The following DYNC1I1 variants were observed in gnomAD, a reference collection of about 807,000 sequenced individuals.
DYNC1I1 encodes cytoplasmic dynein 1 intermediate chain 1.
In DYNC1I1, 43 loss-of-function variants were observed where a neutral mutation model predicts 86.6. The ratio of observed to expected loss-of-function variants is 0.50; its 90% CI spans 0.39 to 0.64. The LOEUF is 0.64. Among genes scored for constraint, DYNC1I1 ranks in the 30% least tolerant of loss-of-function variants. DYNC1I1 has a pLI of 0.00. For synonymous variants in DYNC1I1, 262 were observed against 283.7 expected (o/e 0.92, Z 0.77); for missense variants, 604 against 788.8 (o/e 0.77, Z 2.81).
chr7:96,045,575 T>A (rs1228826166), intron 14 of DYNC1I1, among the ~76,000 whole-genome samples: 2 of 152,168 alleles, frequency 1.3e-5, no homozygotes, highest in Non-Finnish European at 2.9e-5. Flanking sequence ...AAAATAGCCC[T>A]GAAGAGCAAG....
chr7:96,092,982 T>C (rs1790892118), intron 16 of DYNC1I1, among the ~76,000 whole-genome samples: 1 of 152,170 alleles, frequency 6.6e-6, no homozygotes, highest in African/African-American at 2.4e-5. Flanking sequence ...ATGTGGTCTT[T>C]AGCAAATCAT....
At chr7:96,022,157 G>A (rs901952873) in intron 10 of DYNC1I1, among the ~76,000 whole-genome samples, 10 of 152,046 alleles carry the variant, frequency 6.6e-5, no homozygotes, top group Admixed American at 2.0e-4. Context: ...TCTCCACATC[G>A]TCACCAACAC....
chr7:96,106,265 G>T (rs1389055205), intron 16 of DYNC1I1, among the ~76,000 whole-genome samples: 2 of 152,060 alleles, frequency 1.3e-5, no homozygotes, highest in African/African-American at 4.8e-5. Flanking sequence ...GGGCACGGTG[G>T]CTCACACCTG....
At chr7:95,870,124 A>C (rs779248114) in intron 6 of DYNC1I1, 126 bp downstream of exon 6, 29 of 762,934 alleles carry the variant, frequency 3.8e-5, no homozygotes, top group Admixed American at 3.5e-4. Flanking sequence ...ATGACACTGA[A>C]AGCCAAAGCC....
At chr7:95,939,190 A>G (rs1461073021) in intron 6 of DYNC1I1, among the ~76,000 whole-genome samples, 1 of 152,142 alleles carries the variant, frequency 6.6e-6, no homozygotes, top group Non-Finnish European at 1.5e-5. Context: ...GATCTTTTAC[A>G]TTTGCTAAGG....
intron 5 of DYNC1I1, chr7:95,837,550 G>C (rs1789138724): frequency 6.5e-6 from 1 of 153,864 alleles, no homozygotes; most frequent in Non-Finnish European, 1.4e-5. Context: ...GGCAATGGCG[G>C]GCGCCCCTCC....
At chr7:95,927,692 A>C (rs1791781575) in intron 6 of DYNC1I1, among the ~76,000 whole-genome samples, 1 of 152,138 alleles carries the variant, frequency 6.6e-6, no homozygotes, top group Non-Finnish European at 1.5e-5. Context: ...AAGGGCATAC[A>C]GACACTCTTC....
intron 10 of DYNC1I1, among the ~76,000 whole-genome samples, chr7:96,019,879 C>G (rs1794499165): frequency 1.3e-5 from 2 of 152,018 alleles, no homozygotes. Flanking sequence ...TTCTTCGAAT[C>G]AGGAGGTAGT....
intron 2 of DYNC1I1, among the ~76,000 whole-genome samples, chr7:95,806,001 T>C (rs1794693427): frequency 1.3e-5 from 2 of 152,208 alleles, no homozygotes; most frequent in African/African-American, 4.8e-5. Context: ...CCATTACGTG[T>C]TGATTGATGT....
intron 6 of DYNC1I1, among the ~76,000 whole-genome samples, chr7:95,925,851 G>T (rs73710553): frequency 6.6e-6 from 1 of 152,008 alleles, no homozygotes. Flanking sequence ...ACGTTATTTT[G>T]TCTTCTTTAG....
intron 5 of DYNC1I1, among the ~76,000 whole-genome samples, chr7:95,847,260 G>T (rs1236939298): frequency 6.6e-6 from 1 of 152,068 alleles, no homozygotes; most frequent in Non-Finnish European, 1.5e-5. Flanking sequence ...TTGCCACTTA[G>T]TGCTTTCTCG....
At chr7:96,060,002 T>G (rs951636835) in intron 14 of DYNC1I1, among the ~76,000 whole-genome samples, 4 of 152,188 alleles carry the variant, frequency 2.6e-5, no homozygotes, top group African/African-American at 9.7e-5. Context: ...CTATAGCTTA[T>G]TAGATAATTT....
intron 16 of DYNC1I1, among the ~76,000 whole-genome samples, chr7:96,106,521 G>A (rs1175724053): frequency 6.6e-6 from 1 of 151,842 alleles, no homozygotes; most frequent in African/African-American, 2.4e-5. Flanking sequence ...GGCAACAAGA[G>A]CGAAACCCTG....
chr7:96,081,593 G>T (rs1321269323), intron 16 of DYNC1I1, among the ~76,000 whole-genome samples: 1 of 152,096 alleles, frequency 6.6e-6, no homozygotes, highest in African/African-American at 2.4e-5. Context: ...ATCTAACATT[G>T]CATTCCAGGG....
At position 96,097,810 on chromosome 7, in the gene DYNC1I1, T is replaced by C; in HGVS notation, c.*217T>C. ...CACAGCATTTCTATCTTTATATTTC[T>C]GTCTCAAAAATGAAGAGAAGGGGGT... On this transcript the variant is annotated 3_prime_UTR_variant, in exon 17 of 17. Coordinates refer to ENST00000447467, the MANE Select transcript of DYNC1I1 (RefSeq NM_001135556.2). 1 of 1,280,244 alleles carries C rather than the reference T, an allele frequency of 7.8e-7. No homozygotes were observed. The highest frequency in any genetic ancestry group is 9.9e-7 in the Non-Finnish European group (1 of 1,009,870). 79.3% of individuals were successfully genotyped at this position (1,280,244 alleles called of 1,614,324 possible).
At chr7:96,109,028 A>G (rs1584325468) in intron 16 of DYNC1I1, among the ~76,000 whole-genome samples, 1 of 152,134 alleles carries the variant, frequency 6.6e-6, no homozygotes, top group South Asian at 2.1e-4. Context: ...AACATTCTAT[A>G]ACATCTTCTT....
intron 10 of DYNC1I1, 151 bp from the exon 11 acceptor site, chr7:96,028,024 T>G: frequency 8.9e-7 from 1 of 1,120,800 alleles, no homozygotes; most frequent in African/African-American, 1.5e-5. Flanking sequence ...AATTTCTTAG[T>G]AACTATGCAC....
At chr7:95,918,914 C>T (rs534265694) in intron 6 of DYNC1I1, among the ~76,000 whole-genome samples, 1 of 152,250 alleles carries the variant, frequency 6.6e-6, no homozygotes, top group African/African-American at 2.4e-5. Flanking sequence ...GACAATGTAT[C>T]AGAACTTAAA....
intron 1 of DYNC1I1, among the ~76,000 whole-genome samples, chr7:95,780,571 C>A (rs921395498): frequency 6.6e-6 from 1 of 152,086 alleles, no homozygotes; most frequent in Non-Finnish European, 1.5e-5. Flanking sequence ...AGCCACCACG[C>A]CCGGCCTCAC....
Sources: allele counts gnomAD v4.1 joint callset (sites outside exome capture counted in the v4.1 genomes callset), GRCh38; gene constraint gnomAD v4.1.1; transcripts MANE v1.5; gene names NCBI Gene and HGNC (gene_info 2026-07-23, HGNC 2026-07-21).